Variants in DOCK5 observed in about 807,000 individuals in gnomAD.
The protein encoded by DOCK5 is dedicator of cytokinesis 5.
Under a neutral mutation model 251.8 loss-of-function variants are expected in DOCK5, and 142 were observed. The ratio of observed to expected loss-of-function variants is 0.56; its 90% confidence interval spans 0.49 to 0.65. The LOEUF is 0.65. Ranked by LOEUF, DOCK5 falls within the 30% of genes least tolerant of loss-of-function variation. DOCK5 has a pLI of 0.00. For synonymous variants in DOCK5, 842 were observed against 835.5 expected, an observed-to-expected ratio of 1.01 and a Z score of -0.13; for missense variants, 2,111 against 2,312.3, an observed-to-expected ratio of 0.91 and a Z score of 1.79.
intron 13 of DOCK5, among the ~76,000 whole-genome samples, chr8:25,314,152 G>A (rs927958033): frequency 2.1e-5 from 3 of 143,148 alleles, no homozygotes; most frequent in Non-Finnish European, 4.5e-5. Flanking sequence ...GCTCTGTAGC[G>A]CAGGCTGGAG....
At chr8:25,410,983 GCACGCACGCACGCACGCA>G (rs1417277168) in intron 51 of DOCK5, among the ~76,000 whole-genome samples, 193 bp from the exon 52 acceptor site, 373 of 119,104 alleles carry the variant, frequency 3.1e-3, no homozygotes, top group African/African-American at 0.012. Context: ...GCGCGCGCGC[GCACGCACGCACGCACGCA>G]CGCGTGTGTC....
intron 31 of DOCK5, 125 bp downstream of exon 31, chr8:25,367,095 C>A: frequency 1.2e-6 from 1 of 809,706 alleles, no homozygotes; most frequent in Non-Finnish European, 2.0e-6. Flanking sequence ...TGAGGTAAGT[C>A]TTCAACTAAT....
At chr8:25,204,847 T>C (rs184140431) in intron 1 of DOCK5, among the ~76,000 whole-genome samples, 70 of 152,272 alleles carry the variant, frequency 4.6e-4, no homozygotes, top group African/African-American at 1.5e-3. Context: ...TCAGTCGTCT[T>C]TCCCAAAGTA....
At chr8:25,366,134 G>T (rs1800769935) in intron 30 of DOCK5, among the ~76,000 whole-genome samples, 1 of 152,058 alleles carries the variant, frequency 6.6e-6, no homozygotes, top group South Asian at 2.1e-4. Flanking sequence ...CATTTAGATT[G>T]TTTCCATTTT....
rs148924940 is a variant in DOCK5, at chr8:25,267,041, G to A, written c.128-1804G>A. On this transcript the variant is annotated intron_variant, in intron 2 of 51. Transcript: ENST00000276440. ...AGATGAATATCTTGTTTCTCAGCCT[G>A]CCCGCCTCCCACTCTGCCCTTTTCC... 2.9e-3 allele frequency among the ~76,000 whole-genome samples: 434 copies of A among 152,268 alleles called. 5 individuals are homozygous for A. The highest frequency in any genetic ancestry group is 9.9e-3 in the African/African-American group (411 of 41,556).
In DOCK5 at chr8:25,371,804, A is replaced by G. The variant is rs531138441; in HGVS notation, c.3525-755A>G. 5.9e-5 allele frequency among the ~76,000 whole-genome samples: 9 copies of G among 152,328 alleles called. No individual in the cohort carries two copies. The East Asian group carries it at 1.5e-3, about 26-fold the overall frequency. ...GATCACTAACTTAGAAAAAATACGGATACATAGGTCTCCAGTGCCCAAGAA... is the reference window on the plus strand; with the variant it reads ...GATCACTAACTTAGAAAAAATACGGGTACATAGGTCTCCAGTGCCCAAGAA... On this transcript the variant is annotated intron_variant, in intron 34 of 51. Coordinates refer to ENST00000276440, the MANE Select transcript of DOCK5 (RefSeq NM_024940.8).
rs1803669798 is a variant in DOCK5 at position 25,264,198 on chromosome 8, T to TA, written c.128-4641dup. The stretch of plus-strand genomic sequence containing the variant: ...ACAGCATGGGGAGATGCCATCTCTA[T>TA]AAAAAATGCAAAAAATAGCCGGGCA... On this transcript the variant is annotated intron_variant, in intron 2 of 51. Transcript: ENST00000276440. 1.3e-5 allele frequency among the ~76,000 whole-genome samples: 2 copies of TA among 151,200 alleles called. 1 individual carries two copies. Among genetic ancestry groups the TA allele is most frequent in the African/African-American group, 4.9e-5 (2 of 40,828 alleles).
chr8:25,191,165 T>TGG lies in DOCK5; in HGVS notation c.43+6221_43+6222dup, dbSNP rs112862195. Among the ~76,000 whole-genome samples, 235 of 151,718 alleles carry TGG rather than the reference T, an allele frequency of 1.5e-3. 3 individuals carry two copies. The highest frequency in any genetic ancestry group is 3.1e-4 in the Non-Finnish European group (21 of 67,898). ...TGGGGTCTTGGAGACACGTTCAGAA[T>TGG]GGGGGGGGTCCATGAAATTAAAACT... On this transcript the variant is annotated intron_variant, in intron 1 of 51. Transcript: ENST00000276440.
intron 1 of DOCK5, among the ~76,000 whole-genome samples, 172 bp downstream of exon 1, chr8:25,185,123 G>A (rs1801399882): frequency 6.6e-6 from 1 of 152,150 alleles, no homozygotes; most frequent in Admixed American, 6.5e-5. Flanking sequence ...AGCGCCGATG[G>A]GGAAGTCGCC....
intron 1 of DOCK5, among the ~76,000 whole-genome samples, chr8:25,201,736 C>A (rs118019581): frequency 6.6e-6 from 1 of 152,108 alleles, no homozygotes; most frequent in African/African-American, 2.4e-5. Flanking sequence ...TCAAGTAAGA[C>A]GGAAGGAATA....
intron 3 of DOCK5, among the ~76,000 whole-genome samples, chr8:25,269,291 T>C (rs1341297314): frequency 6.6e-6 from 1 of 152,196 alleles, no homozygotes; most frequent in Non-Finnish European, 1.5e-5. Flanking sequence ...CTTTCCTTCA[T>C]TGTAAATTGG....
chr8:25,312,087 A>T (rs1805112105), intron 13 of DOCK5, among the ~76,000 whole-genome samples: 1 of 152,136 alleles, frequency 6.6e-6, no homozygotes, highest in African/African-American at 2.4e-5. Flanking sequence ...TAAAATGGAG[A>T]TCACTCTTTT....
At chr8:25,215,422 C>A (rs1236574712) in intron 1 of DOCK5, among the ~76,000 whole-genome samples, 1 of 152,014 alleles carries the variant, frequency 6.6e-6, no homozygotes, top group Non-Finnish European at 1.5e-5. Flanking sequence ...TTCAGTGCTT[C>A]AAGTGCAGGA....
chr8:25,369,291 A>G (rs1194147938), intron 33 of DOCK5, among the ~76,000 whole-genome samples: 1 of 152,258 alleles, frequency 6.6e-6, no homozygotes, highest in Non-Finnish European at 1.5e-5. Flanking sequence ...TTCTATTTTT[A>G]TATGAATAGT....
intron 27 of DOCK5, among the ~76,000 whole-genome samples, chr8:25,357,935 A>T (rs2117261943): frequency 6.6e-6 from 1 of 152,242 alleles, no homozygotes; most frequent in East Asian, 1.9e-4. Flanking sequence ...GGTCTAGGGG[A>T]TAGCACCTTG....
At position 25,351,718 on chromosome 8, in the gene DOCK5, G is replaced by A; in HGVS notation, c.2755-13G>A. The stretch of plus-strand genomic sequence containing the variant: ...GTCAGAAGGAATGGAGTCAAATCCT[G>A]TGTTCCCTGCAGGGTGCCACTGCGG... On this transcript the variant is annotated splice_polypyrimidine_tract_variant and intron_variant, in intron 26 of 51. Coordinates refer to ENST00000276440, the MANE Select transcript of DOCK5 (RefSeq NM_024940.8). The A allele has an allele frequency of 6.2e-7, 1 of 1,608,876 alleles. No individual in the cohort carries two copies. The highest frequency in any genetic ancestry group is 1.1e-5 in the South Asian group (1 of 90,296).
In DOCK5 at chr8:25,242,394, A is replaced by G. The variant is rs187802358; in HGVS notation, c.44-1280A>G. Reference sequence around the variant, plus strand: ...GTTTAACTTTTTGAGAAGTTCCCCAACTGTTTTCAGAAGGGGCTGTATCAT... The same window carrying G: ...GTTTAACTTTTTGAGAAGTTCCCCAGCTGTTTTCAGAAGGGGCTGTATCAT... On this transcript the variant is annotated intron_variant, in intron 1 of 51. Transcript: ENST00000276440. Among the ~76,000 whole-genome samples, 530 of 152,262 alleles carry G rather than the reference A, an allele frequency of 3.5e-3. 3 individuals are homozygous for G. Among genetic ancestry groups the G allele is most frequent in the Non-Finnish European group, 3.7e-3 (250 of 68,012 alleles).
At chr8:25,314,006 T>G (rs1448204546) in intron 13 of DOCK5, among the ~76,000 whole-genome samples, 2 of 152,108 alleles carry the variant, frequency 1.3e-5, no homozygotes, top group Non-Finnish European at 2.9e-5. Context: ...TCACTTGGCT[T>G]TCATCTGCCT....
intron 2 of DOCK5, among the ~76,000 whole-genome samples, chr8:25,255,902 T>C (rs1287658453): frequency 6.6e-6 from 1 of 152,242 alleles, no homozygotes; most frequent in Non-Finnish European, 1.5e-5. Context: ...ATATTAACTC[T>C]GTGCTTGAGT....
Sources: allele counts gnomAD v4.1 joint callset (sites outside exome capture counted in the v4.1 genomes callset), GRCh38; gene constraint gnomAD v4.1.1; transcripts MANE v1.5; gene names NCBI Gene and HGNC (gene_info 2026-07-23, HGNC 2026-07-21).